The following EDA variants were observed in gnomAD, a reference collection of about 807,000 sequenced individuals.
EDA encodes ectodysplasin-A.
A neutral mutation model predicts 23.6 loss-of-function variants in EDA; 2 were observed. The observed-to-expected ratio is 0.08, with a 90% CI of 0.03 to 0.27. EDA has a LOEUF of 0.27. Ranked by LOEUF, EDA falls within the 10% of genes least tolerant of loss-of-function variation. The pLI is 1.00. For synonymous variants in EDA, 131 were observed against 132.0 expected, an observed-to-expected ratio of 0.99 and a Z score of 0.05; for missense variants, 229 against 324.2, an observed-to-expected ratio of 0.71 and a Z score of 2.26.
chrX:69,934,678 G>A (rs1289258205), intron 1 of EDA, among the ~76,000 whole-genome samples: 2 of 110,504 alleles, frequency 1.8e-5, no homozygotes, highest in East Asian at 2.8e-4. Flanking sequence ...TGGGTTACAC[G>A]AGATATTTTG....
intron 1 of EDA, among the ~76,000 whole-genome samples, chrX:69,778,247 A>G (rs2014841930): frequency 8.9e-6 from 1 of 111,815 alleles, no homozygotes; most frequent in Non-Finnish European, 1.9e-5. Context: ...CAAATAGTTG[A>G]GACTTCATTA....
intron 1 of EDA, among the ~76,000 whole-genome samples, chrX:69,706,970 G>C (rs2011752686): frequency 9.0e-6 from 1 of 111,211 alleles, no homozygotes; most frequent in Non-Finnish European, 1.9e-5. Context: ...GGGTACCTTA[G>C]AATTTTATTT....
At chrX:69,936,544 T>A (rs2018675967) in intron 1 of EDA, among the ~76,000 whole-genome samples, 1 of 112,171 alleles carries the variant, frequency 8.9e-6, no homozygotes, top group Non-Finnish European at 1.9e-5. Context: ...GAATTGACAG[T>A]TTGCACAATA....
At chrX:69,998,306 A>G (rs927261112) in intron 2 of EDA, among the ~76,000 whole-genome samples, 2 of 112,297 alleles carry the variant, frequency 1.8e-5, no homozygotes, top group African/African-American at 6.5e-5. Flanking sequence ...TTAAGATTTG[A>G]CTGCCCTGCT....
At chrX:69,716,904 G>T (rs1228851472) in intron 1 of EDA, among the ~76,000 whole-genome samples, 1 of 111,285 alleles carries the variant, frequency 9.0e-6, no homozygotes, top group African/African-American at 3.3e-5. Context: ...AGTGATTTTT[G>T]TACACTGATT....
At chrX:69,818,483 G>A (rs1163851612) in intron 1 of EDA, among the ~76,000 whole-genome samples, 3 of 111,292 alleles carry the variant, frequency 2.7e-5, no homozygotes, top group African/African-American at 9.8e-5. Flanking sequence ...GACTAATAAA[G>A]AATAAACATG....
At chrX:69,952,335 G>A (rs1338750970) in intron 1 of EDA, among the ~76,000 whole-genome samples, 1 of 112,061 alleles carries the variant, frequency 8.9e-6, no homozygotes, top group Non-Finnish European at 1.9e-5. Flanking sequence ...ACAATCATGG[G>A]GGAAGGCAAG....
intron 1 of EDA, among the ~76,000 whole-genome samples, chrX:69,675,316 T>C (rs1015871177): frequency 1.8e-4 from 20 of 112,156 alleles, no homozygotes; most frequent in Non-Finnish European, 5.6e-5. Flanking sequence ...AATTATTATA[T>C]CTAGCCCTGA....
At chrX:69,904,095 G>A (rs1203007) in intron 1 of EDA, among the ~76,000 whole-genome samples, 17,518 of 110,651 alleles carry the variant, frequency 0.16, 1,267 homozygotes, top group Non-Finnish European at 0.23. Flanking sequence ...ACAGGCGTGA[G>A]CCACCACCCC....
chrX:69,732,026 G>A (rs1445085781), intron 1 of EDA, among the ~76,000 whole-genome samples: 1 of 111,020 alleles, frequency 9.0e-6, no homozygotes, highest in African/African-American at 3.3e-5. Context: ...ATGACCATCT[G>A]CATTTCCTTC....
intron 1 of EDA, among the ~76,000 whole-genome samples, chrX:69,889,054 C>T (rs2017883875): frequency 2.5e-5 from 2 of 79,140 alleles, no homozygotes; most frequent in Non-Finnish European, 4.7e-5. Flanking sequence ...ACCATTTTTA[C>T]ATCCCCACCA....
chrX:69,618,299 A>G (rs766522856), intron 1 of EDA, among the ~76,000 whole-genome samples: 16 of 112,365 alleles, frequency 1.4e-4, no homozygotes, highest in African/African-American at 4.8e-4. Flanking sequence ...GGTTTCTGTG[A>G]TGGCATGAAA....
chrX:69,951,663 T>C (rs917452946), intron 1 of EDA, among the ~76,000 whole-genome samples: 4 of 111,628 alleles, frequency 3.6e-5, no homozygotes, highest in Non-Finnish European at 7.5e-5. Flanking sequence ...ACCAAAAAAG[T>C]ACCAAATAAT....
chrX:69,697,449 G>A (rs1211154815), intron 1 of EDA, among the ~76,000 whole-genome samples: 1 of 111,503 alleles, frequency 9.0e-6, no homozygotes, highest in African/African-American at 3.3e-5. Flanking sequence ...TATAGAAAAA[G>A]GGAAAAGCGA....
Position 69,850,268 on chromosome X carries a change from A to G in EDA, c.397-106759A>G, listed in dbSNP as rs2017099192. Among the ~76,000 whole-genome samples, 6 of 112,323 alleles carry G rather than the reference A, an allele frequency of 5.3e-5. No homozygotes were observed. The South Asian group carries it at 2.2e-3, about 42-fold the overall frequency. The stretch of plus-strand genomic sequence containing the variant: ...TATACTGAAGGACAGATGACAGCAT[A>G]CAACACCTCTGTGGCTTATTAGTAG... On this transcript the variant is annotated intron_variant, in intron 1 of 7. Transcript: ENST00000374552.
intron 1 of EDA, among the ~76,000 whole-genome samples, chrX:69,726,413 T>C (rs1354049877): frequency 8.9e-6 from 1 of 112,106 alleles, no homozygotes; most frequent in African/African-American, 3.2e-5. Context: ...TCACAAAGAC[T>C]GAAGTGGAGC....
chrX:69,678,034 A>G (rs1368534421), intron 1 of EDA, among the ~76,000 whole-genome samples: 2 of 111,047 alleles, frequency 1.8e-5, no homozygotes, highest in Non-Finnish European at 3.8e-5. Flanking sequence ...TCAGCTTTCT[A>G]CATATGGCTA....
intron 1 of EDA, among the ~76,000 whole-genome samples, chrX:69,821,242 G>T (rs1242287293): frequency 1.9e-5 from 2 of 106,206 alleles, no homozygotes; most frequent in Non-Finnish European, 1.9e-5. Context: ...GGGGCCTACT[G>T]GGGGGGATGA....
intron 1 of EDA, among the ~76,000 whole-genome samples, chrX:69,943,262 A>G (rs1313555280): frequency 2.7e-5 from 3 of 111,278 alleles, no homozygotes. Flanking sequence ...GGCATTGAAC[A>G]GTTACGTATT....
Sources: gnomAD v4.1 joint callset for allele counts (sites outside exome capture counted in the v4.1 genomes callset) on GRCh38, gnomAD v4.1.1 for gene constraint, MANE v1.5 for transcripts, NCBI Gene and HGNC (gene_info 2026-07-23, HGNC 2026-07-21) for gene names.